Variants in NLRP9 observed in about 807,000 individuals in gnomAD.
NLRP9 encodes the protein NACHT, LRR and PYD domains-containing protein 9.
In NLRP9, 88 loss-of-function variants were observed where a neutral mutation model predicts 83.1. The observed-to-expected ratio is 1.06, with a 90% CI of 0.89 to 1.26. The LOEUF is 1.26. Among genes scored for constraint, NLRP9 ranks in the 50% most tolerant of loss-of-function variants. The pLI is 0.00. For synonymous variants in NLRP9, 521 were observed against 447.6 expected, an observed-to-expected ratio of 1.16 and a Z score of -2.07; for missense variants, 1,308 against 1,179.3, an observed-to-expected ratio of 1.11 and a Z score of -1.60.
intron 5 of NLRP9, 30 bp from the exon 6 acceptor site, chr19:55,715,255 G>A (rs764962513): frequency 5.6e-5 from 89 of 1,594,848 alleles, no homozygotes; most frequent in Admixed American, 1.0e-4. Flanking sequence ...CTCCCAGCCT[G>A]CTGAACAGCA....
chr19:55,738,106 T>A lies in NLRP9; in HGVS notation c.269A>T (p.Glu90Val). The change falls in exon 1 of 9, where the codon GAA (glutamate) becomes GTA (valine). Residue 90 changes from glutamate (E) to valine (V), a missense_variant. By Grantham distance (121) the Glu-to-Val change is moderately radical. Transcript: ENST00000332836. ...NRKDLWTKAQEEMRNKLNPYR... is the reference protein window; with the variant it reads ...NRKDLWTKAQVEMRNKLNPYR... ...CATCCAGCACTTACTTCTCATCTCT[T>A]CCTGAGCCTTTGTCCAGAGATCTTT... The A allele has an allele frequency of 6.2e-7, 1 of 1,614,122 alleles. No individual in the cohort carries two copies. Among genetic ancestry groups the A allele is most frequent in the Non-Finnish European group, 8.5e-7 (1 of 1,180,006 alleles).
chr19:55,715,620 G>T (rs1221967473), intron 5 of NLRP9, among the ~76,000 whole-genome samples: 1 of 152,294 alleles, frequency 6.6e-6, no homozygotes, highest in East Asian at 1.9e-4. Flanking sequence ...GGAGGCGGAG[G>T]TTGCTGTGAG....
chr19:55,732,252 G>C lies in NLRP9; in HGVS notation c.1579C>G (p.Leu527Val), dbSNP rs771582788. 3 of 1,613,900 alleles carry C rather than the reference G, an allele frequency of 1.9e-6. No individual in the cohort carries two copies. Among genetic ancestry groups the C allele is most frequent in the Admixed American group, 1.7e-5 (1 of 59,996 alleles). ...GCTTCACATTGACTTAAACTTTCAAGGCATTGGGTTATTTCCTGCTTTAGG... is the reference window on the plus strand; with the variant it reads ...GCTTCACATTGACTTAAACTTTCAACGCATTGGGTTATTTCCTGCTTTAGG... ...KDLKQEITQC[L>V]ESLSQCEADR... The change falls in exon 2 of 9, where the codon CTT becomes GTT. Residue 527 changes from leucine (L) to valine (V), a missense_variant. Coordinates refer to ENST00000332836, the MANE Select transcript of NLRP9 (RefSeq NM_176820.4).
Position 55,732,581 on chromosome 19 carries a change from C to A in NLRP9, c.1250G>T (p.Arg417Met), listed in dbSNP as rs563256174. The A allele has an allele frequency of 3.1e-6, 5 of 1,614,214 alleles. No homozygotes were observed. In the South Asian group the frequency reaches 5.5e-5, roughly 18 times the overall value. Residue 417 changes from arginine to methionine, a missense_variant, in exon 2 of 9, where the codon AGG (arginine) becomes ATG (methionine). Physicochemically the swap from Arg to Met is moderately conservative, Grantham distance 91. Transcript: ENST00000332836. ...GCCCTCAGACTCAGATAACCCATTC[C>A]TCCGGAGATCCCCATGGGAAAATAC... Reference protein sequence around the residue: ...TFVFSHGDLRRNGLSESEGVM... With the variant: ...TFVFSHGDLRMNGLSESEGVM...
At chr19:55,722,000 C>A (rs916635056) in intron 4 of NLRP9, among the ~76,000 whole-genome samples, 1 of 152,154 alleles carries the variant, frequency 6.6e-6, no homozygotes, top group Non-Finnish European at 1.5e-5. Context: ...CGGACTGATA[C>A]ACTTGGTCTC....
intron 6 of NLRP9, among the ~76,000 whole-genome samples, chr19:55,713,415 T>G (rs1987850630): frequency 1.3e-5 from 2 of 151,836 alleles, no homozygotes; most frequent in Admixed American, 6.6e-5. Flanking sequence ...TAGGCACGTG[T>G]CTACCCACAC....
Position 55,733,428 on chromosome 19 carries a change from A to T in NLRP9, c.403T>A (p.Leu135Met). The change falls in exon 2 of 9, where the codon TTG becomes ATG. Residue 135 changes from leucine (L) to methionine (M), a missense_variant. Transcript: ENST00000332836. ...KETMKNEYKE[L>M]NDAYTAAARR... ...GCCGCAGCAGTATATGCGTCATTCA[A>T]TTCTTTATACTCATTTTTCATGGTT... The T allele has an allele frequency of 6.2e-7, 1 of 1,613,970 alleles. No individual in the cohort carries two copies. Among genetic ancestry groups the T allele is most frequent in the African/African-American group, 1.3e-5 (1 of 75,030 alleles).
intron 3 of NLRP9, among the ~76,000 whole-genome samples, chr19:55,725,606 G>T (rs111295964): frequency 6.6e-6 from 1 of 152,126 alleles, no homozygotes; most frequent in African/African-American, 2.4e-5. Flanking sequence ...GTGACACCCA[G>T]GTACCACCTG....
At chr19:55,714,042 C>A (rs1385935316) in intron 6 of NLRP9, among the ~76,000 whole-genome samples, 1 of 149,770 alleles carries the variant, frequency 6.7e-6, no homozygotes, top group Admixed American at 6.7e-5. Flanking sequence ...ATCCTTGCAG[C>A]CTCACACATG....
rs866767977 is a variant in NLRP9, at chr19:55,737,950, G to A, written c.280+145C>T. 16 of 782,740 alleles carry A rather than the reference G, an allele frequency of 2.0e-5. No homozygotes were observed. In the Middle Eastern group the frequency reaches 1.5e-3, roughly 74 times the overall value. 48.5% of individuals were successfully genotyped at this position (782,740 alleles called of 1,614,324 possible). ...CGCTGGCCCACATATGAACAGCCCT[G>A]GCCTGCAACTCTTCCTACCTTCAAC... is the stretch of plus-strand genomic sequence containing the variant. On this transcript the variant is annotated intron_variant, in intron 1 of 8. Transcript: ENST00000332836.
intron 8 of NLRP9, 180 bp downstream of exon 8, chr19:55,711,620 C>T: frequency 2.3e-6 from 2 of 872,982 alleles, no homozygotes; most frequent in Non-Finnish European, 3.7e-6. Flanking sequence ...GAGAATGTTG[C>T]TTGACATCTT....
chr19:55,735,103 C>A (rs1209424494), intron 1 of NLRP9, among the ~76,000 whole-genome samples: 1 of 152,150 alleles, frequency 6.6e-6, no homozygotes, highest in Non-Finnish European at 1.5e-5. Context: ...CAGTCGCTCA[C>A]AGGAAGGCAG....
Position 55,732,573 on chromosome 19 carries a change from A to C in NLRP9, c.1258T>G (p.Leu420Val). 6.2e-7 allele frequency: 1 copy of C among 1,614,170 alleles called. No homozygotes were observed. The highest frequency in any genetic ancestry group is 8.5e-7 in the Non-Finnish European group (1 of 1,180,032). ...FSHGDLRRNGLSESEGVMWVG... is the reference protein window; with the variant it reads ...FSHGDLRRNGVSESEGVMWVG... ...CACATCACGCCCTCAGACTCAGATAACCCATTCCTCCGGAGATCCCCATGG... is the reference window on the plus strand; with the variant it reads ...CACATCACGCCCTCAGACTCAGATACCCCATTCCTCCGGAGATCCCCATGG... Residue 420 changes from leucine (L) to valine (V), a missense_variant, in exon 2 of 9, where the codon TTA becomes GTA. Leu to Val is a conservative substitution (Grantham distance 32, BLOSUM62 1). Transcript: ENST00000332836.
intron 2 of NLRP9, 90 bp downstream of exon 2, chr19:55,731,909 C>T: frequency 1.3e-6 from 1 of 786,358 alleles, no homozygotes; most frequent in Admixed American, 2.9e-5. Context: ...CTTTTAAGCA[C>T]AGTGGCATAA....
At chr19:55,725,168 A>C (rs568325320) in intron 3 of NLRP9, among the ~76,000 whole-genome samples, 2 of 152,354 alleles carry the variant, frequency 1.3e-5, no homozygotes, top group East Asian at 3.9e-4. Flanking sequence ...TTATAAACCA[A>C]ATACGTAACT....
At chr19:55,716,242 A>T (rs1465104004) in intron 5 of NLRP9, among the ~76,000 whole-genome samples, 1 of 150,758 alleles carries the variant, frequency 6.6e-6, no homozygotes, top group Non-Finnish European at 1.5e-5. Context: ...TGCAATTTTT[A>T]AATTTAAAAA....
rs753024627 is a variant in NLRP9, at chr19:55,711,978, A to T, written c.2673-8T>A. On this transcript the variant is annotated splice_polypyrimidine_tract_variant and splice_region_variant and intron_variant, in intron 7 of 8. Transcript: ENST00000332836. Reference sequence around the variant, plus strand: ...ATCGGACACGTTTGCAGCCTGCAAAAGGGAAACACACCAGAGAATCCACTC... The same window carrying T: ...ATCGGACACGTTTGCAGCCTGCAAATGGGAAACACACCAGAGAATCCACTC... The T allele has an allele frequency of 6.2e-7, 1 of 1,611,172 alleles. No individual in the cohort carries two copies. Among genetic ancestry groups the T allele is most frequent in the Admixed American group, 1.7e-5 (1 of 59,942 alleles).
At position 55,711,989 on chromosome 19, in the gene NLRP9, C is replaced by G; in HGVS notation, c.2673-19G>C. Reference sequence around the variant, plus strand: ...TTGCAGCCTGCAAAAGGGAAACACACCAGAGAATCCACTCTAGCTTTGGGT... The same window carrying G: ...TTGCAGCCTGCAAAAGGGAAACACAGCAGAGAATCCACTCTAGCTTTGGGT... On this transcript the variant is annotated intron_variant, in intron 7 of 8. Coordinates refer to ENST00000332836, the MANE Select transcript of NLRP9 (RefSeq NM_176820.4). 1.9e-6 allele frequency: 3 copies of G among 1,608,820 alleles called. No homozygotes were observed. The highest frequency in any genetic ancestry group is 2.5e-6 in the Non-Finnish European group (3 of 1,176,758).
At chr19:55,730,015 A>G in intron 2 of NLRP9, 23 bp from the exon 3 acceptor site, 1 of 1,603,066 alleles carries the variant, frequency 6.2e-7, no homozygotes, top group Middle Eastern at 1.7e-4. Context: ...AAAGATTGTG[A>G]TTCTCCAGTG....
Sources: gnomAD v4.1 joint callset for allele counts (sites outside exome capture counted in the v4.1 genomes callset) on GRCh38, gnomAD v4.1.1 for gene constraint, MANE v1.5 for transcripts, NCBI Gene and HGNC (gene_info 2026-07-23, HGNC 2026-07-21) for gene names.